The following YAE1 variants were observed in gnomAD, a reference collection of about 807,000 sequenced individuals.
YAE1 encodes the protein protein YAE1 homolog.
In YAE1, 22 loss-of-function variants were observed where a neutral mutation model predicts 23.0. The observed-to-expected ratio is 0.96, with a 90% CI of 0.68 to 1.37. The LOEUF (loss-of-function observed/expected upper bound fraction) is 1.37, where lower values mean the gene tolerates loss of function less well. Ranked by LOEUF, YAE1 falls within the 40% of genes most tolerant of loss-of-function variation. The pLI is 0.00. For synonymous variants in YAE1, 101 were observed against 97.0 expected (o/e 1.04, Z -0.24); for missense variants, 260 against 262.1 (o/e 0.99, Z 0.06).
At chr7:39,596,427 G>A (rs529919894) in intron 2 of YAE1, among the ~76,000 whole-genome samples, 2 of 151,904 alleles carry the variant, frequency 1.3e-5, no homozygotes, top group Non-Finnish European at 2.9e-5. Context: ...TAGTAGAGAC[G>A]AAGTTTCACC....
intron 2 of YAE1, among the ~76,000 whole-genome samples, chr7:39,590,608 C>A (rs1348989928): frequency 6.6e-6 from 1 of 152,152 alleles, no homozygotes; most frequent in Non-Finnish European, 1.5e-5. Flanking sequence ...CTAAACATGA[C>A]ATTCATTTAT....
downstream of YAE1, among the ~76,000 whole-genome samples, chr7:39,576,913 AGATG>A (rs1790663576): frequency 6.6e-6 from 1 of 152,158 alleles, no homozygotes; most frequent in Non-Finnish European, 1.5e-5. Flanking sequence ...TTCTTTTTTG[AGATG>A]GAGTTTTACT....
At chr7:39,593,173 A>ATTTATT (rs1790924411) in intron 2 of YAE1, among the ~76,000 whole-genome samples, 5 of 40,066 alleles carry the variant, frequency 1.2e-4, no homozygotes, top group South Asian at 7.8e-4. Context: ...CCATTTGGTT[A>ATTTATT]TTTCTTTTTT....
At chr7:39,573,732 TA>T (rs1790610225), downstream of YAE1, among the ~76,000 whole-genome samples, 1 of 152,122 alleles carries the variant, frequency 6.6e-6, no homozygotes, top group Non-Finnish European at 1.5e-5. Context: ...TTCAAGAGAT[TA>T]AAAATGTACA....
chr7:39,607,134 G>C (rs909248684), intron 2 of YAE1, among the ~76,000 whole-genome samples: 4 of 152,044 alleles, frequency 2.6e-5, no homozygotes, highest in African/African-American at 9.7e-5. Context: ...CAAATCATGA[G>C]GTTTACTTAA....
intron 2 of YAE1, among the ~76,000 whole-genome samples, chr7:39,579,043 A>C (rs1018149177): frequency 6.6e-6 from 1 of 152,260 alleles, no homozygotes; most frequent in Non-Finnish European, 1.5e-5. Flanking sequence ...TCCCTGGTGC[A>C]TAGTTCTAAT....
chr7:39,604,896 G>C (rs1791106297), intron 2 of YAE1, among the ~76,000 whole-genome samples: 1 of 152,144 alleles, frequency 6.6e-6, no homozygotes, highest in South Asian at 2.1e-4. Flanking sequence ...TGGGAAAAAA[G>C]TGTTTGAAAG....
intron 2 of YAE1, among the ~76,000 whole-genome samples, chr7:39,589,680 T>G (rs1790874642): frequency 6.6e-6 from 1 of 152,204 alleles, no homozygotes; most frequent in African/African-American, 2.4e-5. Flanking sequence ...GTTCTGAGCT[T>G]TTGTGCTTTC....
chr7:39,599,692 T>C (rs1323493035), intron 2 of YAE1, among the ~76,000 whole-genome samples: 2 of 151,808 alleles, frequency 1.3e-5, no homozygotes, highest in African/African-American at 4.8e-5. Flanking sequence ...TTTTATTTAT[T>C]TATTTTTTAT....
At chr7:39,585,538 G>T (rs1790802327) in intron 2 of YAE1, among the ~76,000 whole-genome samples, 1 of 152,156 alleles carries the variant, frequency 6.6e-6, no homozygotes, top group South Asian at 2.1e-4. Context: ...CCAGATCTGT[G>T]AGAAAATAAA....
chr7:39,580,655 C>T (rs1247946874), intron 2 of YAE1, among the ~76,000 whole-genome samples: 2 of 152,174 alleles, frequency 1.3e-5, no homozygotes, highest in East Asian at 1.9e-4. Flanking sequence ...GTAATGTGCC[C>T]TTTGCTTAGA....
At chr7:39,600,718 A>T (rs1169721875) in intron 2 of YAE1, among the ~76,000 whole-genome samples, 1 of 152,062 alleles carries the variant, frequency 6.6e-6, no homozygotes, top group Non-Finnish European at 1.5e-5. Context: ...TTAAAAGGGG[A>T]AATTTGGGGA....
At chr7:39,592,764 G>A (rs73377388) in intron 2 of YAE1, among the ~76,000 whole-genome samples, 17,326 of 152,050 alleles carry the variant, frequency 0.11, 2,455 homozygotes, top group African/African-American at 0.33. Flanking sequence ...TGCTTTTTCT[G>A]GCTCTTTTAA....
chr7:39,610,542 A>G (rs1791196881), downstream of YAE1, among the ~76,000 whole-genome samples: 1 of 152,222 alleles, frequency 6.6e-6, no homozygotes, highest in Non-Finnish European at 1.5e-5. Flanking sequence ...CTGGAGCAGC[A>G]GTGTAGCAAA....
At chr7:39,583,658 G>GT (rs1790776337) in intron 2 of YAE1, among the ~76,000 whole-genome samples, 1 of 152,214 alleles carries the variant, frequency 6.6e-6, no homozygotes, top group Non-Finnish European at 1.5e-5. Flanking sequence ...TATAAGCCAT[G>GT]TATTTCCCAG....
intron 1 of YAE1, chr7:39,570,227 C>T (rs368970737): frequency 1.5e-4 from 97 of 627,550 alleles, no homozygotes; most frequent in Non-Finnish European, 1.8e-4. Flanking sequence ...TCACAGCAAG[C>T]GTGGCGGCCC....
At position 39,582,264 on chromosome 7, in the gene YAE1, C is replaced by A. The variant is rs984094358; in HGVS notation, c.251+11637C>A. 2.6e-5 allele frequency among the ~76,000 whole-genome samples: 4 copies of A among 152,122 alleles called. 1 individual carries two copies. Among genetic ancestry groups the A allele is most frequent in the South Asian group, 4.2e-4 (2 of 4,816 alleles). On this transcript the variant is annotated intron_variant, in intron 2 of 2. Coordinates refer to the YAE1 transcript ENST00000432096. ...CCTGGGCTAGTCTAGAACTCCTGGGCTCAAGTGATCCTCCTCCCTCGGCCT... is the reference window on the plus strand; with the variant it reads ...CCTGGGCTAGTCTAGAACTCCTGGGATCAAGTGATCCTCCTCCCTCGGCCT...
chr7:39,608,910 T>C (rs1583688041), intron 2 of YAE1, among the ~76,000 whole-genome samples: 1 of 152,218 alleles, frequency 6.6e-6, no homozygotes. Context: ...ATTCTGAGTA[T>C]TACTTGATTG....
At chr7:39,610,437 T>C, downstream of YAE1, 1 of 446,204 alleles carries the variant, frequency 2.2e-6, no homozygotes, top group East Asian at 7.0e-5. Flanking sequence ...TGAAAGACCT[T>C]AAAACTTTCT....
Sources: allele counts gnomAD v4.1 joint callset (sites outside exome capture counted in the v4.1 genomes callset), GRCh38; gene constraint gnomAD v4.1.1; transcripts MANE v1.5; gene names NCBI Gene and HGNC (gene_info 2026-07-23, HGNC 2026-07-21).